PTPRM: variants seen among roughly 807,000 people sequenced by gnomAD.
PTPRM encodes the protein receptor-type tyrosine-protein phosphatase mu.
A neutral mutation model predicts 186.7 loss-of-function variants in PTPRM; 47 were observed. The ratio of observed to expected loss-of-function variants is 0.25; its 90% confidence interval spans 0.20 to 0.32. The LOEUF (loss-of-function observed/expected upper bound fraction) is 0.32, where lower values mean the gene tolerates loss of function less well. PTPRM is among the 10% of genes least tolerant of loss of function. The probability of loss-of-function intolerance (pLI) is 1.00; values close to 1 mark genes in which losing one functional copy is unlikely to be tolerated. For synonymous variants in PTPRM, 668 were observed against 674.9 expected, an observed-to-expected ratio of 0.99 and a Z score of 0.16; for missense variants, 1,494 against 1,865.0, an observed-to-expected ratio of 0.80 and a Z score of 3.66.
intron 1 of PTPRM, among the ~76,000 whole-genome samples, chr18:7,698,090 T>A (rs1291812201): frequency 6.6e-6 from 1 of 152,216 alleles, no homozygotes; most frequent in Non-Finnish European, 1.5e-5. Flanking sequence ...TGGTTCAGTG[T>A]GTTTACTGGA....
At chr18:7,679,771 C>T (rs1243214260) in intron 1 of PTPRM, among the ~76,000 whole-genome samples, 1 of 152,054 alleles carries the variant, frequency 6.6e-6, no homozygotes, top group Non-Finnish European at 1.5e-5. Context: ...ATAATTGTCT[C>T]TAGTAGATTC....
chr18:7,759,219 A>G (rs1247038463), intron 1 of PTPRM, among the ~76,000 whole-genome samples: 3 of 152,224 alleles, frequency 2.0e-5, no homozygotes. Context: ...CTCTATTCAC[A>G]ACACACACAG....
intron 11 of PTPRM, among the ~76,000 whole-genome samples, chr18:8,092,772 C>G (rs1302990359): frequency 1.3e-5 from 2 of 152,028 alleles, no homozygotes; most frequent in Non-Finnish European, 2.9e-5. Context: ...TGAGACCACC[C>G]TGGGCAATGT....
At chr18:7,904,763 C>T (rs1295397213) in intron 3 of PTPRM, among the ~76,000 whole-genome samples, 1 of 152,090 alleles carries the variant, frequency 6.6e-6, no homozygotes, top group Non-Finnish European at 1.5e-5. Flanking sequence ...GTTTACATTT[C>T]TGTGGGATGA....
At chr18:7,602,851 A>C (rs16952200) in intron 1 of PTPRM, among the ~76,000 whole-genome samples, 19,059 of 148,544 alleles carry the variant, frequency 0.13, 2,409 homozygotes, top group East Asian at 0.42. Context: ...GACACTAAAA[A>C]TATTAAGAGA....
At chr18:8,345,991 A>G (rs1324596404) in intron 23 of PTPRM, among the ~76,000 whole-genome samples, 3 of 152,200 alleles carry the variant, frequency 2.0e-5, no homozygotes, top group Non-Finnish European at 4.4e-5. Context: ...GGGAGGTACT[A>G]TGGGGCTATT....
rs978255647 is a variant in PTPRM at position 7,644,815 on chromosome 18, A to G, written c.73+76924A>G. On this transcript the variant is annotated intron_variant, in intron 1 of 32. Coordinates refer to ENST00000580170, the MANE Select transcript of PTPRM (RefSeq NM_001105244.2). The stretch of plus-strand genomic sequence containing the variant: ...AGCACACCTATGCTCTGAAAAGACT[A>G]TGGCCATACAGTAGAAGATGATATA... Among the ~76,000 whole-genome samples the G allele has an allele frequency of 4.6e-5, 7 of 152,092 alleles. No homozygotes were observed. The East Asian group carries it at 7.7e-4, about 17-fold the overall frequency.
At position 8,370,895 on chromosome 18, in the gene PTPRM, A is replaced by G. The variant is rs773127201; in HGVS notation, c.3060A>G (p.Lys1020=). ...TTCTTTTATGTTTTCTAAAGGTCAA[A>G]TGCTGCAAATACTGGCCAGATGACA... is the stretch of plus-strand genomic sequence containing the variant. ...VTNLVEVGRV[K]CCKYWPDDTE... The change falls in exon 24 of 33, where the codon AAA becomes AAG. Residue 1020 remains lysine (K), a synonymous_variant. Coordinates refer to ENST00000580170, the MANE Select transcript of PTPRM (RefSeq NM_001105244.2). 1 of 1,583,012 alleles carries G rather than the reference A, an allele frequency of 6.3e-7. No individual in the cohort carries two copies. Among genetic ancestry groups the G allele is most frequent in the Non-Finnish European group, 8.6e-7 (1 of 1,162,170 alleles).
At chr18:8,324,673 C>G (rs1300259888) in intron 22 of PTPRM, among the ~76,000 whole-genome samples, 1 of 152,202 alleles carries the variant, frequency 6.6e-6, no homozygotes, top group African/African-American at 2.4e-5. Flanking sequence ...TCCCAGCACT[C>G]ACACATACAG....
chr18:8,185,593 G>A (rs2093631888), intron 14 of PTPRM, among the ~76,000 whole-genome samples: 1 of 152,204 alleles, frequency 6.6e-6, no homozygotes, highest in South Asian at 2.1e-4. Flanking sequence ...GTGGCTCTGG[G>A]TCTGTGGCCA....
At chr18:7,588,320 T>C (rs1327087486) in intron 1 of PTPRM, among the ~76,000 whole-genome samples, 1 of 152,182 alleles carries the variant, frequency 6.6e-6, no homozygotes, top group East Asian at 1.9e-4. Flanking sequence ...TTTAATCAAA[T>C]GGAGGTATGT....
At chr18:8,346,532 A>G (rs531962153) in intron 23 of PTPRM, among the ~76,000 whole-genome samples, 1 of 152,312 alleles carries the variant, frequency 6.6e-6, no homozygotes, top group African/African-American at 2.4e-5. Flanking sequence ...CTCCAAATAC[A>G]GTCACACTTG....
intron 5 of PTPRM, among the ~76,000 whole-genome samples, chr18:7,936,367 G>C (rs935744546): frequency 6.6e-6 from 1 of 152,206 alleles, no homozygotes; most frequent in Non-Finnish European, 1.5e-5. Context: ...CGAAGTACCT[G>C]CTTCCACTGC....
intron 2 of PTPRM, 145 bp from the exon 3 acceptor site, chr18:7,887,961 T>C (rs2048869937): frequency 5.4e-6 from 5 of 926,056 alleles, no homozygotes; most frequent in Non-Finnish European, 8.9e-6. Flanking sequence ...TGGTGATATA[T>C]GAAATAGGAA....
At chr18:7,684,625 A>G (rs917997170) in intron 1 of PTPRM, among the ~76,000 whole-genome samples, 4 of 152,154 alleles carry the variant, frequency 2.6e-5, no homozygotes, top group African/African-American at 9.7e-5. Flanking sequence ...GGCTTATTTC[A>G]CTTAACAAAA....
At chr18:7,900,783 G>A (rs2049627324) in intron 3 of PTPRM, among the ~76,000 whole-genome samples, 1 of 152,126 alleles carries the variant, frequency 6.6e-6, no homozygotes, top group South Asian at 2.1e-4. Context: ...CATAATTGAT[G>A]GGGGAAAATT....
intron 2 of PTPRM, among the ~76,000 whole-genome samples, chr18:7,868,387 T>A (rs2047818821): frequency 1.3e-5 from 2 of 152,350 alleles, no homozygotes; most frequent in African/African-American, 4.8e-5. Flanking sequence ...TTGGTGTGGA[T>A]GTCCTTTTTG....
rs544590115 is a variant in PTPRM, at chr18:8,296,331, C to T, written c.2755-37C>T. The T allele has an allele frequency of 9.7e-5, 133 of 1,368,716 alleles. 1 individual carries two copies. Among genetic ancestry groups the T allele is most frequent in the East Asian group, 4.6e-4 (20 of 43,790 alleles). The allele number at this position is 1,368,716 out of a possible 1,614,324, so 84.8% of individuals were successfully genotyped here. A position where few individuals can be genotyped will look rare whatever the true frequency, so the allele number is the denominator to read the frequency against. ...ATCGTTAAGATCCCTCTGTTTACTGCGCCAAATTGTAATTCTCAGTCTCAC... is the reference window on the plus strand; with the variant it reads ...ATCGTTAAGATCCCTCTGTTTACTGTGCCAAATTGTAATTCTCAGTCTCAC... On this transcript the variant is annotated intron_variant, in intron 19 of 32. Coordinates refer to ENST00000580170, the MANE Select transcript of PTPRM (RefSeq NM_001105244.2).
At chr18:7,924,967 G>A (rs2046349786) in intron 4 of PTPRM, among the ~76,000 whole-genome samples, 1 of 152,106 alleles carries the variant, frequency 6.6e-6, no homozygotes, top group Non-Finnish European at 1.5e-5. Context: ...ACACTTACTA[G>A]CCAAGTACCC....
Sources: gnomAD v4.1 joint callset for allele counts (sites outside exome capture counted in the v4.1 genomes callset) on GRCh38, gnomAD v4.1.1 for gene constraint, MANE v1.5 for transcripts, NCBI Gene and HGNC (gene_info 2026-07-23, HGNC 2026-07-21) for gene names.